Variants in SLC6A5 observed in about 807,000 individuals in gnomAD.
The protein encoded by SLC6A5 is sodium- and chloride-dependent glycine transporter 2.
In SLC6A5, 58 loss-of-function variants were observed where a neutral mutation model predicts 90.5. That is an observed-to-expected ratio of 0.64 (90% confidence interval 0.52 to 0.80). The LOEUF is 0.80. Ranked by LOEUF, SLC6A5 falls within the 30% of genes least tolerant of loss-of-function variation. The probability of loss-of-function intolerance (pLI) is 0.00; values close to 1 mark genes in which losing one functional copy is unlikely to be tolerated. For missense variants in SLC6A5, 1,015 were observed against 1,017.6 expected, an observed-to-expected ratio of 1.00 and a Z score of 0.03; for synonymous variants, 427 against 401.4, an observed-to-expected ratio of 1.06 and a Z score of -0.76.
At chr11:20,643,257 C>G (rs1277118259) in intron 13 of SLC6A5, among the ~76,000 whole-genome samples, 1 of 151,662 alleles carries the variant, frequency 6.6e-6, no homozygotes, top group Admixed American at 6.6e-5. Context: ...AGAACTGAGG[C>G]CTGCTGTTGG....
chr11:20,619,333 G>A (rs1296156078), intron 7 of SLC6A5, among the ~76,000 whole-genome samples: 2 of 152,180 alleles, frequency 1.3e-5, no homozygotes, highest in African/African-American at 2.4e-5. Context: ...TTCTCCCTGG[G>A]GACATGGACA....
chr11:20,634,627 T>C (rs992974217), intron 10 of SLC6A5, among the ~76,000 whole-genome samples: 2 of 152,230 alleles, frequency 1.3e-5, no homozygotes, highest in African/African-American at 2.4e-5. Context: ...TTTAGTTTAA[T>C]ACAGACTTTT....
At chr11:20,644,528 G>A (rs886227930) in intron 13 of SLC6A5, among the ~76,000 whole-genome samples, 20 of 152,240 alleles carry the variant, frequency 1.3e-4, no homozygotes, top group Non-Finnish European at 2.2e-4. Context: ...AAACATAAGA[G>A]TGCAGATATC....
chr11:20,629,342 T>C (rs1443007481), intron 9 of SLC6A5: 1 of 152,188 alleles, frequency 6.6e-6, no homozygotes, highest in Non-Finnish European at 1.5e-5. Flanking sequence ...CCCTCACACA[T>C]AGTTCCTGTC....
chr11:20,631,662 C>T (rs897530052), intron 10 of SLC6A5, among the ~76,000 whole-genome samples: 3 of 152,164 alleles, frequency 2.0e-5, no homozygotes, highest in Non-Finnish European at 4.4e-5. Flanking sequence ...TGATCTCATT[C>T]TCAATTCAGA....
intron 13 of SLC6A5, among the ~76,000 whole-genome samples, chr11:20,645,880 C>A (rs887788529): frequency 1.3e-5 from 2 of 152,138 alleles, no homozygotes; most frequent in African/African-American, 4.8e-5. Context: ...CGTGATCCAC[C>A]TGCCTTGGCC....
intron 7 of SLC6A5, 48 bp downstream of exon 7, chr11:20,617,932 C>T (rs750532750): frequency 1.6e-5 from 26 of 1,599,878 alleles, no homozygotes; most frequent in East Asian, 1.6e-4. Context: ...CACCCAGGGG[C>T]GGTTGCTTTG....
At chr11:20,651,114 A>G (rs572767114) in intron 14 of SLC6A5, among the ~76,000 whole-genome samples, 2 of 152,186 alleles carry the variant, frequency 1.3e-5, no homozygotes, top group East Asian at 3.9e-4. Flanking sequence ...AAGCTCCGGG[A>G]TGTGGGCCAT....
At chr11:20,619,311 G>C (rs1468692201) in intron 7 of SLC6A5, among the ~76,000 whole-genome samples, 1 of 152,208 alleles carries the variant, frequency 6.6e-6, no homozygotes, top group Non-Finnish European at 1.5e-5. Flanking sequence ...TAGCCACATA[G>C]ACCGAACTGT....
chr11:20,631,348 T>A (rs535440219), intron 10 of SLC6A5, among the ~76,000 whole-genome samples: 89 of 152,310 alleles, frequency 5.8e-4, no homozygotes, highest in Middle Eastern at 3.4e-3. Flanking sequence ...GCAGTTTTTT[T>A]CCCCAGTGGG....
At chr11:20,603,244 G>T (rs550915742) in intron 2 of SLC6A5, among the ~76,000 whole-genome samples, 2 of 144,826 alleles carry the variant, frequency 1.4e-5, no homozygotes, top group Admixed American at 6.8e-5. Flanking sequence ...CTGTGTGTTG[G>T]CCTGAGTGCC....
chr11:20,614,153 C>A (rs1852742465), intron 5 of SLC6A5, among the ~76,000 whole-genome samples: 1 of 152,164 alleles, frequency 6.6e-6, no homozygotes, highest in South Asian at 2.1e-4. Flanking sequence ...CCAAGGTGAA[C>A]TTCTTAGAAA....
At position 20,638,573 on chromosome 11, in the gene SLC6A5, G is replaced by C. The variant is rs1446423470; in HGVS notation, c.1969+15G>C. 1 of 1,482,648 alleles carries C rather than the reference G, an allele frequency of 6.7e-7. No homozygotes were observed. The highest frequency in any genetic ancestry group is 9.4e-7 in the Non-Finnish European group (1 of 1,060,630). The allele number at this position is 1,482,648 out of a possible 1,614,324, so 91.8% of individuals were successfully genotyped here. On this transcript the variant is annotated intron_variant, in intron 13 of 15. Transcript: ENST00000525748. ...TTATGTGTATGGTAAGGAAATCACT[G>C]TGCCTGTTGCTGAAGTAGAGCTTGA... is the stretch of plus-strand genomic sequence containing the variant.
intron 3 of SLC6A5, among the ~76,000 whole-genome samples, chr11:20,605,401 G>T (rs946745084): frequency 6.6e-6 from 1 of 152,168 alleles, no homozygotes; most frequent in African/African-American, 2.4e-5. Context: ...CAAAACATAG[G>T]CCACTACTCC....
intron 2 of SLC6A5, among the ~76,000 whole-genome samples, chr11:20,603,747 C>A (rs551748729): frequency 6.6e-6 from 1 of 152,150 alleles, no homozygotes; most frequent in Non-Finnish European, 1.5e-5. Flanking sequence ...TGGCTGGCTT[C>A]GGCATTGCAG....
At chr11:20,612,126 T>G (rs1475255025) in intron 5 of SLC6A5, among the ~76,000 whole-genome samples, 1 of 152,194 alleles carries the variant, frequency 6.6e-6, no homozygotes, top group Middle Eastern at 3.2e-3. Context: ...TGTTTCCATT[T>G]TTACCCAACA....
chr11:20,626,771 A>C lies in SLC6A5; in HGVS notation c.1324A>C (p.Thr442Pro), dbSNP rs1327255980. 1 of 1,613,342 alleles carries C rather than the reference A, an allele frequency of 6.2e-7. No homozygotes were observed. Among genetic ancestry groups the C allele is most frequent in the African/African-American group, 1.3e-5 (1 of 74,762 alleles). Residue 442 changes from threonine (T) to proline (P), a missense_variant, in exon 8 of 16, where the codon ACC becomes CCC. This residue lies in a region of SLC6A5 where 442 missense variants were observed against 494.3 expected (regional missense o/e 0.89). Transcript: ENST00000525748. ...VLVILLIRGV[T>P]LPGAGAGIWY... ...CGTGATCCTCCTCATCCGAGGAGTC[A>C]CCCTGCCTGGAGCTGGAGCTGGGAT...
At chr11:20,647,646 C>A (rs1415487982) in intron 14 of SLC6A5, among the ~76,000 whole-genome samples, 2 of 152,070 alleles carry the variant, frequency 1.3e-5, no homozygotes, top group African/African-American at 4.8e-5. Flanking sequence ...AGCCTCATCT[C>A]TCCCTCACAG....
intron 7 of SLC6A5, among the ~76,000 whole-genome samples, chr11:20,625,512 T>C (rs1315501978): frequency 6.6e-6 from 1 of 152,210 alleles, no homozygotes; most frequent in East Asian, 1.9e-4. Context: ...TCTGCCCGCC[T>C]TGACCTCCCA....
Sources: allele counts gnomAD v4.1 joint callset (sites outside exome capture counted in the v4.1 genomes callset), GRCh38; gene constraint gnomAD v4.1.1; regional missense constraint gnomAD v4.1.1; transcripts MANE v1.5; gene names NCBI Gene and HGNC (gene_info 2026-07-23, HGNC 2026-07-21).